MS4A4E: variants seen among roughly 807,000 people sequenced by gnomAD.
MS4A4E encodes putative membrane-spanning 4-domains subfamily A member 4E.
In MS4A4E, 23 loss-of-function variants were observed where a neutral mutation model predicts 13.3. The ratio of observed to expected loss-of-function variants is 1.73; its 90% confidence interval spans 1.25 to 2.45. The LOEUF (loss-of-function observed/expected upper bound fraction) is 2.45. Ranked by LOEUF, MS4A4E falls within the 30% of genes most tolerant of loss-of-function variation. MS4A4E has a pLI of 0.00. For synonymous variants in MS4A4E, 36 were observed against 45.6 expected, an observed-to-expected ratio of 0.79 and a Z score of 0.85; for missense variants, 144 against 131.2, an observed-to-expected ratio of 1.10 and a Z score of -0.48.
chr11:60,239,174 T>C (rs531294209), intron 1 of MS4A4E, among the ~76,000 whole-genome samples: 1 of 152,350 alleles, frequency 6.6e-6, no homozygotes, highest in South Asian at 2.1e-4. Context: ...ATTTAAATTT[T>C]GGCCCTGCCA....
intron 3 of MS4A4E, chr11:60,225,056 A>G: frequency 6.4e-7 from 1 of 1,567,862 alleles, no homozygotes. Flanking sequence ...TATTATTCCC[A>G]TGCTAAGGCT....
At chr11:60,218,591 G>A (rs1430263779) in intron 3 of MS4A4E, among the ~76,000 whole-genome samples, 4 of 152,010 alleles carry the variant, frequency 2.6e-5, no homozygotes, top group East Asian at 1.9e-4. Context: ...AAGAACCTAC[G>A]TGACTATCGG....
chr11:60,210,739 T>C (rs943608290), intron 5 of MS4A4E, among the ~76,000 whole-genome samples: 7 of 152,136 alleles, frequency 4.6e-5, no homozygotes, highest in Non-Finnish European at 1.0e-4. Context: ...TATGGGCTCA[T>C]AGACCTGTGG....
At chr11:60,205,573 T>G (rs2084028793) in intron 7 of MS4A4E, among the ~76,000 whole-genome samples, 141 bp downstream of exon 7, 1 of 152,214 alleles carries the variant, frequency 6.6e-6, no homozygotes, top group Admixed American at 6.5e-5. Flanking sequence ...CAGACAATAT[T>G]ATTACTATTT....
At position 60,236,215 on chromosome 11, in the gene MS4A4E, A is replaced by C. The variant is rs199505741; in HGVS notation, c.-16-6144T>G. Among the ~76,000 whole-genome samples the C allele has an allele frequency of 7.2e-5, 11 of 152,278 alleles. No individual in the cohort carries two copies. The East Asian group carries it at 2.1e-3, about 29-fold the overall frequency. On this transcript the variant is annotated intron_variant, in intron 1 of 8. Coordinates refer to ENST00000651255, the MANE Select transcript of MS4A4E (RefSeq NM_001393391.1). The stretch of plus-strand genomic sequence containing the variant: ...TGTCTTAAAATTATAGCTTCGTAGT[A>C]AGTTTTGAATTGGAAAGTGTAAGTG...
intron 8 of MS4A4E, among the ~76,000 whole-genome samples, chr11:60,202,570 A>G (rs2084000849): frequency 6.6e-6 from 1 of 152,144 alleles, no homozygotes; most frequent in Admixed American, 6.5e-5. Context: ...GCTATTACCC[A>G]AACCGAAAAC....
intron 1 of MS4A4E, among the ~76,000 whole-genome samples, chr11:60,234,777 A>AC (rs368312750): frequency 4.1e-4 from 46 of 112,064 alleles, no homozygotes; most frequent in Middle Eastern, 4.1e-3. Context: ...TACAAAAACA[A>AC]CCCCCCCCCC....
At chr11:60,221,365 A>T (rs2081546) in intron 3 of MS4A4E, among the ~76,000 whole-genome samples, 138,335 of 152,160 alleles carry the variant, frequency 0.91, 63,053 homozygotes, top group Non-Finnish European at 0.94. Context: ...AGGAAGTGGC[A>T]CAAATGCTCA....
At chr11:60,236,761 G>A (rs1025417918) in intron 1 of MS4A4E, among the ~76,000 whole-genome samples, 4 of 149,602 alleles carry the variant, frequency 2.7e-5, no homozygotes, top group Middle Eastern at 3.5e-3. Flanking sequence ...TTTTGAAACC[G>A]AGTCTTGCTC....
At chr11:60,234,521 G>A (rs1272609554) in intron 1 of MS4A4E, among the ~76,000 whole-genome samples, 1 of 152,064 alleles carries the variant, frequency 6.6e-6, no homozygotes, top group Non-Finnish European at 1.5e-5. Flanking sequence ...GTGGACTCCT[G>A]ATAAAGAATA....
rs1480426525 is a variant in MS4A4E at position 60,200,972 on chromosome 11, AAC to A, written c.*569_*570del. Among the ~76,000 whole-genome samples the A allele has an allele frequency of 3.8e-5, 5 of 131,082 alleles. No individual in the cohort carries two copies. 86.0% of individuals were successfully genotyped at this position (131,082 alleles called of 152,430 possible). ...GGGCGGCTGGCCGGGTGGGGGGCTGAACCCCCCACCTCCCTCCCGGACGGGGC... is the reference window on the plus strand; with the variant it reads ...GGGCGGCTGGCCGGGTGGGGGGCTGACCCCCACCTCCCTCCCGGACGGGGC... On this transcript the variant is annotated 3_prime_UTR_variant, in exon 9 of 9. Coordinates refer to ENST00000651255, the MANE Select transcript of MS4A4E (RefSeq NM_001393391.1).
At chr11:60,232,198 GAATTAAAAGGTCTAT>G (rs1349180587) in intron 1 of MS4A4E, among the ~76,000 whole-genome samples, 3 of 150,676 alleles carry the variant, frequency 2.0e-5, no homozygotes, top group African/African-American at 7.3e-5. Flanking sequence ...TAGAAGTTTA[GAATTAAAAGGTCTAT>G]AATATGTCTT....
chr11:60,231,106 T>C (rs1319837920), intron 1 of MS4A4E, among the ~76,000 whole-genome samples: 1 of 152,166 alleles, frequency 6.6e-6, no homozygotes, highest in African/African-American at 2.4e-5. Context: ...ATTAGCTATC[T>C]AGCAATAAAA....
chr11:60,233,668 A>G (rs1158261822), intron 1 of MS4A4E, among the ~76,000 whole-genome samples: 1 of 152,224 alleles, frequency 6.6e-6, no homozygotes, highest in Admixed American at 6.5e-5. Flanking sequence ...ATGTAGGGGC[A>G]TGGCTTTCTC....
At chr11:60,228,053 T>C (rs1161103168) in intron 3 of MS4A4E, among the ~76,000 whole-genome samples, 1 of 152,082 alleles carries the variant, frequency 6.6e-6, no homozygotes, top group Non-Finnish European at 1.5e-5. Context: ...AGTTTGTCAA[T>C]ACAATACCAA....
At chr11:60,203,843 C>T (rs962447841) in intron 8 of MS4A4E, among the ~76,000 whole-genome samples, 1 of 152,196 alleles carries the variant, frequency 6.6e-6, no homozygotes, top group Non-Finnish European at 1.5e-5. Context: ...TACTGCTTTA[C>T]ATCCTAATCA....
At chr11:60,214,660 G>T in intron 3 of MS4A4E, 46 bp from the exon 4 acceptor site, 1 of 1,314,588 alleles carries the variant, frequency 7.6e-7, no homozygotes, top group Non-Finnish European at 1.0e-6. Flanking sequence ...GAGATAAAAA[G>T]TTTTAAACAA....
intron 3 of MS4A4E, 89 bp from the exon 4 acceptor site, chr11:60,214,703 C>T: frequency 1.3e-6 from 1 of 789,728 alleles, no homozygotes; most frequent in Non-Finnish European, 2.0e-6. Context: ...AAACTTTATT[C>T]CAAATTAGAT....
intron 3 of MS4A4E, among the ~76,000 whole-genome samples, chr11:60,227,128 TA>T (rs35328195): frequency 0.91 from 138,824 of 152,068 alleles, 63,501 homozygotes; most frequent in Non-Finnish European, 0.94. Flanking sequence ...AAGAGAAACT[TA>T]AAAAAAAATA....
Sources: gnomAD v4.1 joint callset for allele counts (sites outside exome capture counted in the v4.1 genomes callset) on GRCh38, gnomAD v4.1.1 for gene constraint, MANE v1.5 for transcripts, NCBI Gene and HGNC (gene_info 2026-07-23, HGNC 2026-07-21) for gene names.